The following RBFOX1 variants were observed in gnomAD, a reference collection of about 807,000 sequenced individuals.
RBFOX1 encodes the protein RNA binding fox-1 homolog 1.
RBFOX1 carries 8 observed loss-of-function variants against 57.7 expected under a neutral mutation model. The observed-to-expected ratio is 0.14, with a 90% CI of 0.08 to 0.25. The LOEUF is 0.25. Among genes scored for constraint, RBFOX1 ranks in the 10% least tolerant of loss-of-function variants. RBFOX1 has a pLI of 1.00. For synonymous variants in RBFOX1, 326 were observed against 222.4 expected, an observed-to-expected ratio of 1.47 and a Z score of -4.15; for missense variants, 611 against 548.5, an observed-to-expected ratio of 1.11 and a Z score of -1.14.
At chr16:6,781,289 A>T (rs1034050772) in intron 3 of RBFOX1, among the ~76,000 whole-genome samples, 36 of 152,268 alleles carry the variant, frequency 2.4e-4, no homozygotes, top group Admixed American at 1.2e-3. Flanking sequence ...CCATTTGATC[A>T]TGATGAATGA....
chr16:6,779,368 T>G (rs1163337334), intron 3 of RBFOX1, among the ~76,000 whole-genome samples: 1 of 152,066 alleles, frequency 6.6e-6, no homozygotes, highest in African/African-American at 2.4e-5. Context: ...TGTGGTTGAA[T>G]AATATTCCAT....
intron 2 of RBFOX1, among the ~76,000 whole-genome samples, chr16:6,634,860 T>C (rs1476079558): frequency 7.6e-6 from 1 of 132,202 alleles, no homozygotes; most frequent in Non-Finnish European, 1.5e-5. Flanking sequence ...ATACTTTAAA[T>C]TTAAATTCAA....
At chr16:6,294,605 T>A (rs1315919059) in intron 1 of RBFOX1, among the ~76,000 whole-genome samples, 1 of 152,154 alleles carries the variant, frequency 6.6e-6, no homozygotes, top group African/African-American at 2.4e-5. Context: ...AGTGCCTACT[T>A]GATGCTGAGC....
intron 3 of RBFOX1, among the ~76,000 whole-genome samples, chr16:6,759,776 G>A (rs555925878): frequency 1.3e-5 from 2 of 152,116 alleles, no homozygotes; most frequent in Non-Finnish European, 2.9e-5. Context: ...GAAATAATAA[G>A]GAATGTGTGC....
intron 3 of RBFOX1, among the ~76,000 whole-genome samples, chr16:6,946,907 C>T (rs1598063120): frequency 1.3e-5 from 2 of 152,166 alleles, no homozygotes; most frequent in African/African-American, 4.8e-5. Context: ...CCACATCCAG[C>T]CCAGAAACCT....
At chr16:6,101,640 C>G (rs754994878) in intron 1 of RBFOX1, among the ~76,000 whole-genome samples, 2 of 152,132 alleles carry the variant, frequency 1.3e-5, no homozygotes, top group African/African-American at 2.4e-5. Flanking sequence ...GCACTGGCCA[C>G]CAGGCCCAGC....
At chr16:7,470,101 C>T (rs2061296306) in intron 4 of RBFOX1, among the ~76,000 whole-genome samples, 1 of 150,904 alleles carries the variant, frequency 6.6e-6, no homozygotes, top group Non-Finnish European at 1.5e-5. Context: ...TGTCAATGGA[C>T]ATTTAGGTTG....
At chr16:7,194,444 C>G (rs945730233) in intron 4 of RBFOX1, among the ~76,000 whole-genome samples, 56 of 152,296 alleles carry the variant, frequency 3.7e-4, no homozygotes, top group African/African-American at 1.3e-3. Context: ...GGATGACCGT[C>G]TAGTGACTTT....
chr16:7,680,505 A>G (rs2074460174), intron 14 of RBFOX1, among the ~76,000 whole-genome samples: 1 of 152,146 alleles, frequency 6.6e-6, no homozygotes, highest in Non-Finnish European at 1.5e-5. Context: ...GACGGAAGCA[A>G]GACAGTTTTT....
At chr16:5,455,029 C>CTCTCTCTCTG (rs1260344025) in intron 1 of RBFOX1, among the ~76,000 whole-genome samples, 16 of 90,062 alleles carry the variant, frequency 1.8e-4, no homozygotes, top group African/African-American at 6.7e-4. Flanking sequence ...CTTTCTCTCT[C>CTCTCTCTCTG]TCTGTCTGTC....
chr16:7,207,969 T>C (rs1249474351), intron 4 of RBFOX1, among the ~76,000 whole-genome samples: 2 of 152,174 alleles, frequency 1.3e-5, no homozygotes, highest in African/African-American at 4.8e-5. Flanking sequence ...TTACCTTTAT[T>C]GTGAGCCTCC....
intron 14 of RBFOX1, among the ~76,000 whole-genome samples, chr16:7,700,116 G>T (rs2080178779): frequency 6.6e-6 from 1 of 152,224 alleles, no homozygotes; most frequent in East Asian, 1.9e-4. Flanking sequence ...GAGGATGGGA[G>T]ATGCCAGTAC....
intron 10 of RBFOX1, among the ~76,000 whole-genome samples, chr16:7,621,460 C>T (rs1448182975): frequency 6.6e-6 from 1 of 151,944 alleles, no homozygotes; most frequent in African/African-American, 2.4e-5. Flanking sequence ...ACGGGTTTTG[C>T]CATGTTCTCC....
At chr16:6,863,393 C>G (rs926168786) in intron 3 of RBFOX1, among the ~76,000 whole-genome samples, 11 of 151,970 alleles carry the variant, frequency 7.2e-5, no homozygotes, top group Non-Finnish European at 1.6e-4. Flanking sequence ...GCTAAAGATT[C>G]AAAGCTCCTT....
chr16:5,586,241 C>T (rs1017345151), intron 2 of RBFOX1, among the ~76,000 whole-genome samples: 3 of 152,080 alleles, frequency 2.0e-5, no homozygotes, highest in Non-Finnish European at 4.4e-5. Flanking sequence ...AGACTTCAGG[C>T]CTTCAGAACT....
chr16:6,666,664 A>G (rs138658355), intron 3 of RBFOX1, among the ~76,000 whole-genome samples: 1 of 152,270 alleles, frequency 6.6e-6, no homozygotes, highest in African/African-American at 2.4e-5. Flanking sequence ...GCCTCTTCCA[A>G]GCATGCTTCA....
intron 1 of RBFOX1, among the ~76,000 whole-genome samples, chr16:6,054,884 G>C (rs1156246820): frequency 6.6e-6 from 1 of 152,128 alleles, no homozygotes; most frequent in Admixed American, 6.5e-5. Context: ...TTGGGTTCAA[G>C]TGATTCTCCT....
chr16:7,018,931 C>T (rs868728159), intron 3 of RBFOX1, among the ~76,000 whole-genome samples: 47 of 152,060 alleles, frequency 3.1e-4, no homozygotes, highest in African/African-American at 7.0e-4. Flanking sequence ...CCAGCCTGGG[C>T]AACACAGTGA....
intron 4 of RBFOX1, among the ~76,000 whole-genome samples, chr16:7,338,321 G>A (rs765552203): frequency 6.6e-6 from 1 of 151,666 alleles, no homozygotes; most frequent in Non-Finnish European, 1.5e-5. Flanking sequence ...TAGCTAGACA[G>A]TGGCAGAAAA....
Sources: allele counts gnomAD v4.1 joint callset (sites outside exome capture counted in the v4.1 genomes callset), GRCh38; gene constraint gnomAD v4.1.1; transcripts MANE v1.5; gene names NCBI Gene and HGNC (gene_info 2026-07-23, HGNC 2026-07-21).